SMIM45: variants seen among roughly 807,000 people sequenced by gnomAD.
SMIM45 encodes the protein small integral membrane protein 45, also known as long intergenic non-protein coding RNA 634.
At chr22:41,947,367 CTTT>C in the SMIM45 span, among the ~76,000 whole-genome samples, 6 of 132,948 alleles carry the variant, frequency 4.5e-5, no homozygotes, top group Admixed American at 7.4e-5. Context: ...ATACACAGTA[CTTT>C]TTTTTTTTTT....
At chr22:41,951,832 G>A in the SMIM45 span, among the ~76,000 whole-genome samples, 1 of 152,004 alleles carries the variant, frequency 6.6e-6, no homozygotes, top group African/African-American at 2.4e-5. Flanking sequence ...GTCCCCACCC[G>A]CTTGCCATTT....
At chr22:41,947,112 G>A in the SMIM45 span, 1 of 1,607,336 alleles carries the variant, frequency 6.2e-7, no homozygotes, top group Non-Finnish European at 8.5e-7. Flanking sequence ...CCTGCGGTGC[G>A]CGCCGATCTT....
chr22:41,947,108 G>C, the SMIM45 span: 1 of 1,609,622 alleles, frequency 6.2e-7, no homozygotes, highest in East Asian at 2.2e-5. Context: ...TGCTCCTGCG[G>C]TGCGCGCCGA....
At chr22:41,955,867 T>G in the SMIM45 span, among the ~76,000 whole-genome samples, 1 of 151,620 alleles carries the variant, frequency 6.6e-6, no homozygotes. Context: ...TCTATCCCCA[T>G]TTTACAGATA....
the SMIM45 span, chr22:41,946,982 G>C: frequency 3.1e-6 from 5 of 1,608,678 alleles, no homozygotes; most frequent in South Asian, 4.4e-5. Context: ...CGCCCAGGAG[G>C]AAAAACCGGC....
chr22:41,950,949 G>A, the SMIM45 span, among the ~76,000 whole-genome samples: 26 of 152,294 alleles, frequency 1.7e-4, no homozygotes, highest in East Asian at 1.7e-3. Context: ...CCGAGATTGC[G>A]CCACTGCACT....
the SMIM45 span, chr22:41,958,360 T>C: frequency 4.4e-6 from 2 of 456,390 alleles, no homozygotes; most frequent in African/African-American, 4.0e-5. Context: ...AGAACCTCGT[T>C]TGGAGGGATG....
At chr22:41,949,189 G>C in the SMIM45 span, among the ~76,000 whole-genome samples, 1 of 151,784 alleles carries the variant, frequency 6.6e-6, no homozygotes, top group Non-Finnish European at 1.5e-5. Context: ...AGGTTGCAGT[G>C]AGCTGAGATC....
the SMIM45 span, among the ~76,000 whole-genome samples, chr22:41,957,428 T>C: frequency 6.6e-6 from 1 of 150,872 alleles, no homozygotes; most frequent in Non-Finnish European, 1.5e-5. Flanking sequence ...GGTCTTGATC[T>C]CCTGACCTCG....
chr22:41,948,175 G>A, the SMIM45 span, among the ~76,000 whole-genome samples: 1 of 152,194 alleles, frequency 6.6e-6, no homozygotes, highest in Non-Finnish European at 1.5e-5. Context: ...TAAGAAACAA[G>A]AGGTTAGAGA....
the SMIM45 span, among the ~76,000 whole-genome samples, chr22:41,949,134 A>T: frequency 6.6e-6 from 1 of 151,938 alleles, no homozygotes; most frequent in Admixed American, 6.6e-5. Flanking sequence ...AATACCACCT[A>T]CTCGGGAGGC....
At chr22:41,957,006 C>T in the SMIM45 span, among the ~76,000 whole-genome samples, 1 of 151,980 alleles carries the variant, frequency 6.6e-6, no homozygotes, top group Non-Finnish European at 1.5e-5. Flanking sequence ...GTCTTGAACT[C>T]CTGACCTCAG....
chr22:41,956,021 T>C, the SMIM45 span, among the ~76,000 whole-genome samples: 8 of 124,724 alleles, frequency 6.4e-5, no homozygotes, highest in African/African-American at 2.7e-4. Flanking sequence ...TACCATTCCC[T>C]TTTTTTTTTT....
chr22:41,950,992 A>C, the SMIM45 span, among the ~76,000 whole-genome samples: 1 of 152,072 alleles, frequency 6.6e-6, no homozygotes, highest in Non-Finnish European at 1.5e-5. Flanking sequence ...ACTCCGTCTC[A>C]AAAAAAACAA....
At chr22:41,958,505 A>AGAGAGAGAGT in the SMIM45 span, 3 of 400,558 alleles carry the variant, frequency 7.5e-6, no homozygotes, top group African/African-American at 6.4e-5. Flanking sequence ...AGAGAGAGAG[A>AGAGAGAGAGT]GAGTCTGGGG....
the SMIM45 span, among the ~76,000 whole-genome samples, chr22:41,954,184 G>A: frequency 6.7e-6 from 1 of 148,164 alleles, no homozygotes; most frequent in Non-Finnish European, 1.5e-5. Context: ...TAGCACCCAC[G>A]TCCTAAGGGT....
At chr22:41,947,024 ATGG>A in the SMIM45 span, 1 of 1,612,854 alleles carries the variant, frequency 6.2e-7, no homozygotes, top group East Asian at 2.2e-5. Context: ...ACCTACCAAG[ATGG>A]TGGCCGTGTT....
the SMIM45 span, chr22:41,958,483 GGAGAGAGAGA>G: frequency 1.4e-5 from 5 of 356,102 alleles, no homozygotes; most frequent in Middle Eastern, 4.7e-4. Context: ...GGGTTGGTGA[GGAGAGAGAGA>G]GAGAGAGAGA....
At chr22:41,958,090 GC>G in the SMIM45 span, 1 of 329,400 alleles carries the variant, frequency 3.0e-6, no homozygotes, top group South Asian at 2.3e-5. Context: ...TGCCTGGCTG[GC>G]CCAGGGCTTG....
Sources: allele counts gnomAD v4.1 joint callset (sites outside exome capture counted in the v4.1 genomes callset), GRCh38; gene constraint gnomAD v4.1.1; transcripts MANE v1.5; gene names NCBI Gene and HGNC (gene_info 2026-07-23, HGNC 2026-07-21).